Variants in FER observed in about 807,000 individuals in gnomAD.
FER encodes the protein tyrosine-protein kinase Fer.
FER carries 63 observed loss-of-function variants against 111.0 expected under a neutral mutation model. That is an observed-to-expected ratio of 0.57 (90% CI 0.46 to 0.70). The LOEUF is 0.70. Among genes scored for constraint, FER ranks in the 30% least tolerant of loss-of-function variants. FER has a pLI of 0.00. For synonymous variants in FER, 327 were observed against 313.9 expected, an observed-to-expected ratio of 1.04 and a Z score of -0.44; for missense variants, 914 against 954.0, an observed-to-expected ratio of 0.96 and a Z score of 0.55.
At chr5:108,890,950 T>G (rs1200814724) in intron 9 of FER, among the ~76,000 whole-genome samples, 1 of 152,108 alleles carries the variant, frequency 6.6e-6, no homozygotes, top group Non-Finnish European at 1.5e-5. Flanking sequence ...ATTGTATGTT[T>G]AGTTTAGTTT....
intron 3 of FER, among the ~76,000 whole-genome samples, chr5:108,824,427 G>A (rs1561472749): frequency 6.6e-6 from 1 of 151,860 alleles, no homozygotes; most frequent in Non-Finnish European, 1.5e-5. Flanking sequence ...TTCAATTCAT[G>A]AACGTAAACA....
At chr5:109,117,482 T>G (rs567795966) in intron 17 of FER, among the ~76,000 whole-genome samples, 1 of 152,248 alleles carries the variant, frequency 6.6e-6, no homozygotes, top group South Asian at 2.1e-4. Flanking sequence ...GAAATAAGAT[T>G]TGTATGCCTA....
intron 9 of FER, among the ~76,000 whole-genome samples, chr5:108,889,050 G>C (rs1032603179): frequency 2.0e-5 from 3 of 151,766 alleles, no homozygotes; most frequent in African/African-American, 7.3e-5. Context: ...GAATAAAAAA[G>C]ACCTTCCTCC....
intron 16 of FER, among the ~76,000 whole-genome samples, chr5:109,082,752 TTA>T (rs1777137097): frequency 6.6e-6 from 1 of 151,990 alleles, no homozygotes. Flanking sequence ...GTCAACAGTT[TTA>T]TATGTTTTCC....
chr5:108,992,185 G>T (rs1329115421), intron 13 of FER, among the ~76,000 whole-genome samples: 2 of 152,106 alleles, frequency 1.3e-5, no homozygotes, highest in Non-Finnish European at 2.9e-5. Context: ...GAGAGCACAG[G>T]GTTGGGGGTA....
chr5:109,068,320 G>A (rs1464473859), intron 16 of FER, among the ~76,000 whole-genome samples: 1 of 151,716 alleles, frequency 6.6e-6, no homozygotes, highest in African/African-American at 2.4e-5. Context: ...AGTAGCTGGG[G>A]CTATAGGCGC....
At chr5:108,921,231 T>C (rs1489494578) in intron 10 of FER, among the ~76,000 whole-genome samples, 3 of 152,188 alleles carry the variant, frequency 2.0e-5, no homozygotes, top group Non-Finnish European at 4.4e-5. Context: ...CAATTATTAC[T>C]ATTTTGTTGG....
chr5:109,032,121 G>A (rs982037454), intron 13 of FER, among the ~76,000 whole-genome samples: 2 of 152,080 alleles, frequency 1.3e-5, no homozygotes, highest in Admixed American at 1.3e-4. Flanking sequence ...AGTTAATACT[G>A]AGTCCCATAG....
chr5:108,884,997 T>C (rs1001441467), intron 9 of FER, among the ~76,000 whole-genome samples: 2 of 151,968 alleles, frequency 1.3e-5, no homozygotes, highest in Non-Finnish European at 2.9e-5. Flanking sequence ...AATCCTCTCT[T>C]TCTGGCCACT....
intron 16 of FER, among the ~76,000 whole-genome samples, chr5:109,093,778 T>C (rs1295880425): frequency 1.3e-5 from 2 of 152,204 alleles, no homozygotes; most frequent in Non-Finnish European, 2.9e-5. Context: ...GGTTTTACTG[T>C]AGCAGATAGG....
Position 108,843,516 on chromosome 5 carries a change from A to T in FER, c.481+7709A>T, listed in dbSNP as rs370633747. Among the ~76,000 whole-genome samples, 187 of 151,504 alleles carry T rather than the reference A, an allele frequency of 1.2e-3. 1 individual carries two copies. Among genetic ancestry groups the T allele is most frequent in the African/African-American group, 4.3e-3 (177 of 41,320 alleles). Reference sequence around the variant, plus strand: ...AAGATGTGGACCCTACCTTCAAGCCATTGAAAGTTGAATTTTTTTTTTTTT... The same window carrying T: ...AAGATGTGGACCCTACCTTCAAGCCTTTGAAAGTTGAATTTTTTTTTTTTT... On this transcript the variant is annotated intron_variant, in intron 5 of 19. Coordinates refer to ENST00000281092, the MANE Select transcript of FER (RefSeq NM_005246.4).
chr5:109,130,166 A>G (rs1338827361), intron 17 of FER, among the ~76,000 whole-genome samples: 3 of 152,052 alleles, frequency 2.0e-5, no homozygotes, highest in Non-Finnish European at 4.4e-5. Flanking sequence ...GATTTAAAAG[A>G]TGATTAGAGA....
chr5:109,106,447 CAGTT>C (rs1748944559), intron 17 of FER, among the ~76,000 whole-genome samples: 1 of 152,120 alleles, frequency 6.6e-6, no homozygotes, highest in East Asian at 1.9e-4. Flanking sequence ...GTGATAATCT[CAGTT>C]AGTTGACTAA....
At position 109,187,491 on chromosome 5, in the gene FER, G is replaced by A. The variant is rs1400197736; in HGVS notation, c.2385G>A (p.Lys795=). ...AGGATATTTCCAAAATCATGATGAA[G>A]TGTTGGGATTATAAACCTGAAAATC... ...CPEDISKIMM[K]CWDYKPENRP... is the part of the protein sequence containing the mutation. The change falls in exon 20 of 20, where the codon AAG becomes AAA. Residue 795 remains lysine (K), a synonymous_variant. Transcript: ENST00000281092. 5 of 1,614,032 alleles carry A rather than the reference G, an allele frequency of 3.1e-6. No homozygotes were observed. Among genetic ancestry groups the A allele is most frequent in the Middle Eastern group, 3.3e-4 (2 of 6,082 alleles).
chr5:109,014,895 C>T (rs1180650764), intron 13 of FER: 1 of 152,234 alleles, frequency 6.6e-6, no homozygotes, highest in Admixed American at 6.6e-5. Context: ...TGCTAATCTT[C>T]CCTGTATCGT....
chr5:109,075,475 G>T (rs372007889), intron 16 of FER, among the ~76,000 whole-genome samples: 143 of 149,576 alleles, frequency 9.6e-4, no homozygotes, highest in African/African-American at 3.4e-3. Context: ...TGTCACCCGG[G>T]CTGGAGGGCG....
intron 13 of FER, among the ~76,000 whole-genome samples, chr5:109,029,967 T>A (rs1157851866): frequency 2.0e-5 from 3 of 152,194 alleles, no homozygotes; most frequent in Non-Finnish European, 4.4e-5. Context: ...GTGGGATTGC[T>A]TGCCTTACAG....
intron 2 of FER, among the ~76,000 whole-genome samples, chr5:108,795,765 GTC>G (rs1755952516): frequency 6.6e-6 from 1 of 151,938 alleles, no homozygotes; most frequent in African/African-American, 2.4e-5. Flanking sequence ...TCTAAATTTG[GTC>G]TCTCTGTTAT....
chr5:108,939,252 T>C (rs1755930467), intron 10 of FER, among the ~76,000 whole-genome samples: 1 of 152,076 alleles, frequency 6.6e-6, no homozygotes, highest in South Asian at 2.1e-4. Flanking sequence ...AGATTTCTTT[T>C]CCTATTAAAA....
Sources: allele counts gnomAD v4.1 joint callset (sites outside exome capture counted in the v4.1 genomes callset), GRCh38; gene constraint gnomAD v4.1.1; transcripts MANE v1.5; gene names NCBI Gene and HGNC (gene_info 2026-07-23, HGNC 2026-07-21).